Variants in RORA observed in about 807,000 individuals in gnomAD.
RORA encodes the protein RAR related orphan receptor A.
RORA carries 7 observed loss-of-function variants against 69.5 expected under a neutral mutation model. That is an observed-to-expected ratio of 0.10 (90% CI 0.06 to 0.19). The LOEUF (loss-of-function observed/expected upper bound fraction) is 0.19. Ranked by LOEUF, RORA falls within the 10% of genes least tolerant of loss-of-function variation. The pLI, the probability that RORA is intolerant of heterozygous loss-of-function variation, is 1.00. For missense variants in RORA, 457 were observed against 663.0 expected (o/e 0.69, Z 3.41); for synonymous variants, 261 against 240.8 (o/e 1.08, Z -0.78).
At chr15:60,874,077 T>A (rs1418037737) in intron 1 of RORA, among the ~76,000 whole-genome samples, 1 of 152,186 alleles carries the variant, frequency 6.6e-6, no homozygotes, top group African/African-American at 2.4e-5. Context: ...CAGCTGTTTA[T>A]CTTAAATCTG....
At chr15:60,871,458 T>C (rs2073554913) in intron 1 of RORA, among the ~76,000 whole-genome samples, 1 of 152,220 alleles carries the variant, frequency 6.6e-6, no homozygotes, top group Admixed American at 6.5e-5. Context: ...TTTATGTGCA[T>C]AATGTGTTTC....
chr15:60,540,536 T>G, intron 2 of RORA, among the ~76,000 whole-genome samples: 1 of 142,856 alleles, frequency 7.0e-6, no homozygotes, highest in African/African-American at 2.7e-5. Flanking sequence ...AACCATTGAT[T>G]ACTAATTCCA....
intron 1 of RORA, among the ~76,000 whole-genome samples, chr15:60,965,490 C>G (rs1188110779): frequency 3.3e-5 from 5 of 152,178 alleles, no homozygotes; most frequent in Non-Finnish European, 7.3e-5. Context: ...AAATGCCTAA[C>G]TGTATAATTA....
intron 1 of RORA, among the ~76,000 whole-genome samples, chr15:60,883,130 C>CAAAAAAAAAA (rs60074751): frequency 2.3e-5 from 1 of 43,092 alleles, no homozygotes. Flanking sequence ...GACATCGTCT[C>CAAAAAAAAAA]AAAAAAAAAA....
At chr15:61,098,600 C>T (rs1420671541) in intron 1 of RORA, among the ~76,000 whole-genome samples, 1 of 152,158 alleles carries the variant, frequency 6.6e-6, no homozygotes, top group African/African-American at 2.4e-5. Flanking sequence ...GACTTGGCCT[C>T]CTCAAATGCT....
intron 1 of RORA, among the ~76,000 whole-genome samples, chr15:61,074,299 T>C (rs1231747072): frequency 6.6e-6 from 1 of 152,170 alleles, no homozygotes; most frequent in Non-Finnish European, 1.5e-5. Context: ...ATAAGACTGG[T>C]GCCCATTAGA....
At chr15:60,593,305 A>C in intron 2 of RORA, 1 of 155,316 alleles carries the variant, frequency 6.4e-6, no homozygotes, top group South Asian at 1.8e-4. Context: ...ACCTAAATGA[A>C]CTCCAGTTGC....
At chr15:60,883,691 T>C (rs1259372998) in intron 1 of RORA, among the ~76,000 whole-genome samples, 1 of 152,266 alleles carries the variant, frequency 6.6e-6, no homozygotes, top group Non-Finnish European at 1.5e-5. Context: ...AATATGTTTC[T>C]AAGATTCTCC....
intron 1 of RORA, among the ~76,000 whole-genome samples, chr15:61,079,959 T>C (rs370511110): frequency 6.6e-6 from 1 of 152,154 alleles, no homozygotes; most frequent in Non-Finnish European, 1.5e-5. Flanking sequence ...ATAATACTCA[T>C]AATAGGATGG....
chr15:60,718,126 C>G (rs1351710714), intron 1 of RORA, among the ~76,000 whole-genome samples: 1 of 151,998 alleles, frequency 6.6e-6, no homozygotes, highest in Non-Finnish European at 1.5e-5. Flanking sequence ...ACCTTCGTAA[C>G]AGCAAAGTTA....
At chr15:60,939,719 C>T (rs897553820) in intron 1 of RORA, among the ~76,000 whole-genome samples, 1 of 152,174 alleles carries the variant, frequency 6.6e-6, no homozygotes, top group African/African-American at 2.4e-5. Flanking sequence ...CCTGTTAAGT[C>T]TGAGAGCTAA....
At chr15:60,907,427 G>T (rs1043740258) in intron 1 of RORA, among the ~76,000 whole-genome samples, 7 of 152,188 alleles carry the variant, frequency 4.6e-5, no homozygotes, top group Non-Finnish European at 1.0e-4. Context: ...GACACCAGCT[G>T]GGTGACCTTG....
At chr15:60,835,181 T>C (rs1433299634) in intron 1 of RORA, among the ~76,000 whole-genome samples, 5 of 152,180 alleles carry the variant, frequency 3.3e-5, no homozygotes, top group African/African-American at 1.2e-4. Flanking sequence ...CTTGGCTGCA[T>C]CTGCACAAAG....
At position 61,147,029 on chromosome 15, in the gene RORA, G is replaced by A. The variant is rs1041397335; in HGVS notation, c.166+82024C>T. On this transcript the variant is annotated intron_variant, in intron 1 of 10. Transcript: ENST00000335670. This position sits in a 1 kb window ranked among gnomAD's most constrained non-coding sequence, Gnocchi z 4.1. Reference sequence around the variant, plus strand: ...GCTATTCATGGTGGGGGGCAGTCACGGGGGAACTAAATGGATTCCATTTCC... The same window carrying A: ...GCTATTCATGGTGGGGGGCAGTCACAGGGGAACTAAATGGATTCCATTTCC... Among the ~76,000 whole-genome samples, 8 of 151,618 alleles carry A rather than the reference G, an allele frequency of 5.3e-5. No individual in the cohort carries two copies. Among genetic ancestry groups the A allele is most frequent in the African/African-American group, 1.7e-4 (7 of 41,228 alleles).
intron 1 of RORA, among the ~76,000 whole-genome samples, chr15:61,163,614 G>A (rs1163789319): frequency 2.6e-5 from 4 of 152,170 alleles, no homozygotes; most frequent in African/African-American, 9.7e-5. Context: ...GACCAGATAC[G>A]TGCCAAGCAG....
chr15:61,098,859 TTA>T (rs2078836641), intron 1 of RORA, among the ~76,000 whole-genome samples: 2 of 152,232 alleles, frequency 1.3e-5, no homozygotes, highest in South Asian at 4.1e-4. Context: ...GGAGCAATCG[TTA>T]TTTTAACTGT....
chr15:60,781,738 A>T (rs2072261210), intron 1 of RORA, among the ~76,000 whole-genome samples: 1 of 152,158 alleles, frequency 6.6e-6, no homozygotes, highest in South Asian at 2.1e-4. Flanking sequence ...TTATTAGTAT[A>T]ATGTTAAGAA....
At chr15:60,550,029 A>G (rs2067186845) in intron 2 of RORA, among the ~76,000 whole-genome samples, 1 of 152,230 alleles carries the variant, frequency 6.6e-6, no homozygotes, top group Non-Finnish European at 1.5e-5. Flanking sequence ...GCGGTGGCTC[A>G]CGCCTGTAAT....
chr15:61,027,670 C>A (rs1327625439), intron 1 of RORA, among the ~76,000 whole-genome samples: 2 of 152,184 alleles, frequency 1.3e-5, no homozygotes, highest in African/African-American at 4.8e-5. Flanking sequence ...TAACTTTCTT[C>A]TTTAATTCTC....
Sources: gnomAD v4.1 joint callset for allele counts (sites outside exome capture counted in the v4.1 genomes callset) on GRCh38, gnomAD v4.1.1 for gene constraint, Gnocchi (gnomAD v3.1) non-coding constraint, MANE v1.5 for transcripts, NCBI Gene and HGNC (gene_info 2026-07-23, HGNC 2026-07-21) for gene names.